Variants in CENPP observed in about 807,000 individuals in gnomAD.
The protein encoded by CENPP is centromere protein P.
In CENPP, 24 loss-of-function variants were observed where a neutral mutation model predicts 35.6. The ratio of observed to expected loss-of-function variants is 0.67; its 90% confidence interval spans 0.49 to 0.95. CENPP has a LOEUF of 0.95. CENPP is among the 40% of genes least tolerant of loss of function. CENPP has a pLI of 0.00. For synonymous variants in CENPP, 120 were observed against 125.5 expected, an observed-to-expected ratio of 0.96 and a Z score of 0.29; for missense variants, 332 against 345.3, an observed-to-expected ratio of 0.96 and a Z score of 0.31.
At chr9:92,450,473 G>A (rs552332755) in intron 5 of CENPP, among the ~76,000 whole-genome samples, 21 of 151,972 alleles carry the variant, frequency 1.4e-4, no homozygotes, top group South Asian at 4.2e-4. Flanking sequence ...TATGTGCCAC[G>A]TTTTCTTAAT....
At chr9:92,599,955 ACCTCCCC>A (rs1157393824) in intron 5 of CENPP, among the ~76,000 whole-genome samples, 1 of 151,946 alleles carries the variant, frequency 6.6e-6, no homozygotes, top group Admixed American at 6.6e-5. Flanking sequence ...AGTGGGACCC[ACCTCCCC>A]TGGTCTTTCC....
chr9:92,422,555 G>T (rs1843839113), intron 5 of CENPP, among the ~76,000 whole-genome samples: 1 of 152,178 alleles, frequency 6.6e-6, no homozygotes, highest in Non-Finnish European at 1.5e-5. Flanking sequence ...CCGCCTTTGT[G>T]AGCACCTAAG....
chr9:92,615,576 T>C lies in CENPP; in HGVS notation c.*2427T>C. On this transcript the variant is annotated 3_prime_UTR_variant, in exon 8 of 8. Transcript: ENST00000375587. ...GAAAGAAGAACTATCCAGAACGTCT[T>C]CCCAGGGCTTAACGGACACTTCCAT... 2.2e-6 allele frequency: 1 copy of C among 463,138 alleles called. No individual in the cohort carries two copies. Among genetic ancestry groups the C allele is most frequent in the Non-Finnish European group, 3.9e-6 (1 of 253,774 alleles). The allele number at this position is 463,138 out of a possible 1,614,324, so 28.7% of individuals were successfully genotyped here.
At chr9:92,603,706 C>T (rs1276639580) in intron 5 of CENPP, among the ~76,000 whole-genome samples, 4 of 152,140 alleles carry the variant, frequency 2.6e-5, no homozygotes, top group African/African-American at 2.4e-5. Flanking sequence ...AGAAACTCTC[C>T]ACACCCCACA....
rs186741299 is a variant in CENPP at position 92,470,627 on chromosome 9, G to A, written c.564+90768G>A. On this transcript the variant is annotated intron_variant, in intron 5 of 7. Coordinates refer to ENST00000375587, the MANE Select transcript of CENPP (RefSeq NM_001012267.3). ...TTAATCATTATAGCAAAGATACAGA[G>A]TTTTCACTTAAATCTTTGAAAGTAT... 3.7e-4 allele frequency: 399 copies of A among 1,068,406 alleles called. 1 individual carries two copies. The African/African-American group carries it at 6.0e-3, about 16-fold the overall frequency. The allele number at this position is 1,068,406 out of a possible 1,614,324, so 66.2% of individuals were successfully genotyped here.
intron 5 of CENPP, among the ~76,000 whole-genome samples, chr9:92,586,403 C>T (rs972923999): frequency 6.6e-6 from 1 of 152,028 alleles, no homozygotes; most frequent in Non-Finnish European, 1.5e-5. Context: ...GGATGGTGGA[C>T]AGAGCAAGCA....
intron 5 of CENPP, chr9:92,502,701 C>T (rs752498840): frequency 1.1e-5 from 15 of 1,410,426 alleles, no homozygotes; most frequent in African/African-American, 8.7e-5. Context: ...TTAGTTGATA[C>T]GTTCAATTTC....
chr9:92,389,492 A>G, intron 5 of CENPP: 1 of 158,336 alleles, frequency 6.3e-6, no homozygotes, highest in Non-Finnish European at 1.4e-5. Flanking sequence ...ATAATTTGCT[A>G]ACATTGTAAG....
intron 5 of CENPP, chr9:92,610,510 G>A (rs1588317972): frequency 6.6e-6 from 1 of 152,222 alleles, no homozygotes; most frequent in Admixed American, 6.5e-5. Context: ...GAGGCTACCA[G>A]GTCCTGCTGT....
chr9:92,379,968 T>C, intron 5 of CENPP, 109 bp downstream of exon 5: 3 of 699,936 alleles, frequency 4.3e-6, no homozygotes, highest in Non-Finnish European at 7.4e-6. Flanking sequence ...CAGTAGAAAA[T>C]ATTCTCATTG....
At chr9:92,437,045 CAA>C (rs1445104739) in intron 5 of CENPP, among the ~76,000 whole-genome samples, 1 of 151,874 alleles carries the variant, frequency 6.6e-6, no homozygotes, top group Non-Finnish European at 1.5e-5. Flanking sequence ...GCTAAAAATA[CAA>C]AAAAATTAGC....
intron 4 of CENPP, among the ~76,000 whole-genome samples, chr9:92,355,172 C>T (rs1351181637): frequency 6.6e-6 from 1 of 152,112 alleles, no homozygotes; most frequent in Non-Finnish European, 1.5e-5. Context: ...CGGAGTTTTT[C>T]CCCACCCTAG....
chr9:92,403,181 G>A (rs1307563273), intron 5 of CENPP: 1 of 1,215,812 alleles, frequency 8.2e-7, no homozygotes, highest in East Asian at 2.6e-5. Flanking sequence ...GCAAAAACAT[G>A]CATTTAAATG....
chr9:92,339,504 A>C (rs1841041825), intron 3 of CENPP, among the ~76,000 whole-genome samples: 1 of 152,142 alleles, frequency 6.6e-6, no homozygotes, highest in South Asian at 2.1e-4. Context: ...TTTGATGGCA[A>C]AGCTCCCAGC....
intron 5 of CENPP, among the ~76,000 whole-genome samples, chr9:92,454,135 G>A (rs1844801580): frequency 6.6e-6 from 1 of 152,136 alleles, no homozygotes; most frequent in Non-Finnish European, 1.5e-5. Context: ...CAGAAAATGT[G>A]TTTTTGGCAG....
At chr9:92,454,712 A>G (rs1226895689) in intron 5 of CENPP, among the ~76,000 whole-genome samples, 1 of 152,142 alleles carries the variant, frequency 6.6e-6, no homozygotes, top group Non-Finnish European at 1.5e-5. Flanking sequence ...CTTCATAGCA[A>G]CCTTGTTCAG....
Position 92,613,459 on chromosome 9 carries a change from C to T in CENPP, c.*310C>T. 1 of 315,082 alleles carries T rather than the reference C, an allele frequency of 3.2e-6. No homozygotes were observed. The highest frequency in any genetic ancestry group is 6.2e-6 in the Non-Finnish European group (1 of 162,288). The allele number at this position is 315,082 out of a possible 1,614,324, so 19.5% of individuals were successfully genotyped here. On this transcript the variant is annotated 3_prime_UTR_variant, in exon 8 of 8. Transcript: ENST00000375587. ...GGATCCATCCCCCACCCACTGCAGCCTCACACCGAGTCCACCTTGGACATG... is the reference window on the plus strand; with the variant it reads ...GGATCCATCCCCCACCCACTGCAGCTTCACACCGAGTCCACCTTGGACATG...
chr9:92,594,834 TTTATGTAAGTTATTTG>T (rs1372928419), intron 5 of CENPP, among the ~76,000 whole-genome samples: 1 of 151,960 alleles, frequency 6.6e-6, no homozygotes, highest in East Asian at 1.9e-4. Flanking sequence ...AAAGTTTTCA[TTTATGTAAGTTATTTG>T]TGCCCTATTT....
At chr9:92,546,606 G>C (rs543376769) in intron 5 of CENPP, among the ~76,000 whole-genome samples, 2 of 151,998 alleles carry the variant, frequency 1.3e-5, no homozygotes, top group African/African-American at 2.4e-5. Context: ...AAAAAACTCC[G>C]AACACACTGG....
Sources: gnomAD v4.1 joint callset for allele counts (sites outside exome capture counted in the v4.1 genomes callset) on GRCh38, gnomAD v4.1.1 for gene constraint, MANE v1.5 for transcripts, NCBI Gene and HGNC (gene_info 2026-07-23, HGNC 2026-07-21) for gene names.